The following SNX8 variants were observed in gnomAD, a reference collection of about 807,000 sequenced individuals.
SNX8 encodes sorting nexin-8.
A neutral mutation model predicts 51.6 loss-of-function variants in SNX8; 25 were observed. That is an observed-to-expected ratio of 0.48 (90% CI 0.35 to 0.68). SNX8 has a LOEUF of 0.68. Among genes scored for constraint, SNX8 ranks in the 30% least tolerant of loss-of-function variants. The pLI, the probability that SNX8 is intolerant of heterozygous loss-of-function variation, is 0.00. For missense variants in SNX8, 695 were observed against 624.0 expected (o/e 1.11, Z -1.21); for synonymous variants, 324 against 277.0 (o/e 1.17, Z -1.68).
In SNX8 at chr7:2,271,944, C is replaced by G. The variant is rs761911584; in HGVS notation, c.446G>C (p.Arg149Thr). 1.2e-6 allele frequency: 2 copies of G among 1,614,024 alleles called. No individual in the cohort carries two copies. Among genetic ancestry groups the G allele is most frequent in the African/African-American group, 2.7e-5 (2 of 74,944 alleles). Residue 149 changes from arginine to threonine, a missense_variant, in exon 4 of 11, where the codon AGG becomes ACG. Transcript: ENST00000222990. Reference sequence around the variant, plus strand: ...GTTGACGAAGCGCTTCAGGGCTCTCCTCCTGGCCTCGATGAACTCCCTGTC... The same window carrying G: ...GTTGACGAAGCGCTTCAGGGCTCTCGTCCTGGCCTCGATGAACTCCCTGTC... ...GADREFIEAR[R>T]RALKRFVNLV...
At chr7:2,297,550 CAAAAAAAAAAAA>C (rs145543350) in intron 1 of SNX8, among the ~76,000 whole-genome samples, 1,408 of 40,288 alleles carry the variant, frequency 0.035, 29 homozygotes, top group Non-Finnish European at 0.044. Context: ...AACCCCGCCG[CAAAAAAAAAAAA>C]AAAAAAAAAA....
chr7:2,270,867 C>T (rs924734460), intron 4 of SNX8, among the ~76,000 whole-genome samples: 6 of 152,234 alleles, frequency 3.9e-5, no homozygotes, highest in Admixed American at 6.5e-5. Context: ...CCATTCAAGA[C>T]GGGGTTTCCC....
intron 1 of SNX8, among the ~76,000 whole-genome samples, chr7:2,340,856 CAAAAAAAAA>C (rs71026503): frequency 6.6e-5 from 3 of 45,114 alleles, no homozygotes; most frequent in Admixed American, 3.8e-4. Flanking sequence ...GGCTGCTTCT[CAAAAAAAAA>C]AAAAAAAAAA....
chr7:2,315,967 G>A, upstream of SNX8, among the ~76,000 whole-genome samples: 1 of 121,204 alleles, frequency 8.3e-6, no homozygotes, highest in East Asian at 2.7e-4. Context: ...CTCACTCACT[G>A]CTTCTTCATA....
chr7:2,257,087 A>ACCAGCACCAAGGCCCGAT (rs1562419380), intron 9 of SNX8, 64 bp from the exon 10 acceptor site: 125 of 1,506,738 alleles, frequency 8.3e-5, no homozygotes, highest in Non-Finnish European at 1.1e-4. Context: ...CAAGGCCCGA[A>ACCAGCACCAAGGCCCGAT]CACCAGCGTG....
In SNX8 at chr7:2,267,386, T is replaced by G. The variant is rs963152121; in HGVS notation, c.621+2173A>C. On this transcript the variant is annotated intron_variant, in intron 5 of 10. Coordinates refer to ENST00000222990, the MANE Select transcript of SNX8 (RefSeq NM_013321.4). ...CTCTCATGCGGAGCCGAAGCTGGAC[T>G]GTACTGCTGCCATCTCGGCTCACTG... Among the ~76,000 whole-genome samples the G allele has an allele frequency of 7.8e-5, 10 of 128,320 alleles. No individual in the cohort carries two copies. In the South Asian group the frequency reaches 1.9e-3, roughly 24 times the overall value. The allele number at this position is 128,320 out of a possible 152,430, so 84.2% of individuals were successfully genotyped here.
intron 3 of SNX8, among the ~76,000 whole-genome samples, chr7:2,273,336 G>A (rs1480223124): frequency 6.6e-6 from 1 of 151,872 alleles, no homozygotes; most frequent in Non-Finnish European, 1.5e-5. Context: ...TGTAATCCCA[G>A]CACTTTGGGA....
intron 1 of SNX8, among the ~76,000 whole-genome samples, chr7:2,331,171 C>G (rs1201382567): frequency 8.8e-6 from 1 of 114,188 alleles, no homozygotes; most frequent in African/African-American, 3.3e-5. Flanking sequence ...GGCGACAGAG[C>G]GAGACTCTGT....
rs1259552611 is a variant in SNX8 at position 2,306,302 on chromosome 7, A to AT, written c.94+8025dup. ...GCCACCAAGCCTGGCTAATTTTTGT[A>AT]TTTTTTTTTAGTAGAGACGGGGTTT... On this transcript the variant is annotated intron_variant, in intron 1 of 10. Transcript: ENST00000222990. Among the ~76,000 whole-genome samples the AT allele has an allele frequency of 3.7e-3, 561 of 149,706 alleles. 1 individual carries two copies. Among genetic ancestry groups the AT allele is most frequent in the African/African-American group, 0.013 (529 of 40,690 alleles).
At chr7:2,273,569 C>T (rs982555097) in intron 3 of SNX8, among the ~76,000 whole-genome samples, 40 of 122,918 alleles carry the variant, frequency 3.3e-4, no homozygotes, top group Non-Finnish European at 5.9e-4. Context: ...CTGGGTGACA[C>T]GGCGAGTCTT....
At chr7:2,351,032 T>A (rs1779127396) in intron 1 of SNX8, among the ~76,000 whole-genome samples, 1 of 151,954 alleles carries the variant, frequency 6.6e-6, no homozygotes, top group Admixed American at 6.6e-5. Context: ...GGCGGGAGGA[T>A]CACGAGCCTG....
At chr7:2,349,024 T>C (rs1248030859) in intron 1 of SNX8, among the ~76,000 whole-genome samples, 3 of 149,724 alleles carry the variant, frequency 2.0e-5, no homozygotes, top group African/African-American at 7.4e-5. Context: ...ATCATGACTT[T>C]CAATTTTTTT....
chr7:2,304,558 T>A (rs974662577), intron 1 of SNX8, among the ~76,000 whole-genome samples: 24 of 151,146 alleles, frequency 1.6e-4, no homozygotes, highest in African/African-American at 5.6e-4. Flanking sequence ...AAAAAAAAAA[T>A]TCCATCTCCC....
chr7:2,256,987 A>T lies in SNX8; in HGVS notation c.1171T>A (p.Tyr391Asn), dbSNP rs138169290. The change falls in exon 10 of 11, where the codon TAC becomes AAC. Residue 391 changes from tyrosine (Y) to asparagine (N), a missense_variant. Physicochemically the swap from Tyr to Asn is moderately radical, Grantham distance 143. Transcript: ENST00000222990. ...NAIQTMELRN[Y>N]FSLYCLHQET... ...TGGTGCAGGCAGTACAGGGAGAAGT[A>T]GTTCCGCAGCTCCATCGTCTGAATC... The T allele has an allele frequency of 2.0e-3, 3,212 of 1,612,142 alleles. 9 individuals carry two copies. The highest frequency in any genetic ancestry group is 2.4e-3 in the Non-Finnish European group (2,823 of 1,178,950).
chr7:2,289,531 T>TTCA (rs1243405971), intron 1 of SNX8, among the ~76,000 whole-genome samples: 3 of 152,158 alleles, frequency 2.0e-5, no homozygotes, highest in Admixed American at 2.0e-4. Flanking sequence ...GATCCATTAG[T>TTCA]TCACTGTTCC....
rs756338994 is a variant in SNX8, at chr7:2,256,923, G to C, written c.1235C>G (p.Ser412Cys). Residue 412 changes from serine (S) to cysteine (C), a missense_variant, in exon 10 of 11, where the codon TCC (serine) becomes TGC (cysteine). Physicochemically the swap from Ser to Cys is moderately radical, Grantham distance 112. Transcript: ENST00000222990. ...GTTGACGAAGGCGCGGAGGATGTGG[G>C]AGGTGAGGGGCAGGTAGACGTGGAT... ...QLIHVYLPLT[S>C]HILRAFVNSQ... 6.2e-7 allele frequency: 1 copy of C among 1,613,746 alleles called. No homozygotes were observed.
intron 1 of SNX8, among the ~76,000 whole-genome samples, chr7:2,298,837 A>G (rs1222308751): frequency 6.6e-6 from 1 of 150,808 alleles, no homozygotes; most frequent in Non-Finnish European, 1.5e-5. Flanking sequence ...GATTACAGGC[A>G]CATGCTACCA....
chr7:2,302,956 G>A (rs1246009366), intron 1 of SNX8, among the ~76,000 whole-genome samples: 5 of 151,154 alleles, frequency 3.3e-5, no homozygotes, highest in Admixed American at 6.6e-5. Flanking sequence ...CAGCCACCCC[G>A]TCTGGGAAGT....
chr7:2,255,714 A>T (rs1795161144), intron 10 of SNX8, among the ~76,000 whole-genome samples: 1 of 152,256 alleles, frequency 6.6e-6, no homozygotes, highest in South Asian at 2.1e-4. Context: ...CTCAAAACCA[A>T]AAAGCAAACC....
Sources: gnomAD v4.1 joint callset for allele counts (sites outside exome capture counted in the v4.1 genomes callset) on GRCh38, gnomAD v4.1.1 for gene constraint, MANE v1.5 for transcripts, NCBI Gene and HGNC (gene_info 2026-07-23, HGNC 2026-07-21) for gene names.